HMG20A: variants seen among roughly 807,000 people sequenced by gnomAD.
HMG20A encodes high mobility group 20A.
Under a neutral mutation model 43.9 loss-of-function variants are expected in HMG20A, and 17 were observed. That is an observed-to-expected ratio of 0.39 (90% CI 0.27 to 0.58). The LOEUF (loss-of-function observed/expected upper bound fraction) is 0.58, where lower values mean the gene tolerates loss of function less well. Ranked by LOEUF, HMG20A falls within the 20% of genes least tolerant of loss-of-function variation. The probability of loss-of-function intolerance (pLI) is 0.59; values close to 1 mark genes in which losing one functional copy is unlikely to be tolerated. For missense variants in HMG20A, 341 were observed against 438.2 expected, an observed-to-expected ratio of 0.78 and a Z score of 1.98; for synonymous variants, 132 against 147.5, an observed-to-expected ratio of 0.89 and a Z score of 0.76.
the HMG20A span, among the ~76,000 whole-genome samples, chr15:77,504,920 G>A: frequency 6.6e-6 from 1 of 152,328 alleles, no homozygotes; most frequent in South Asian, 2.1e-4. Context: ...TAGGGGCCAT[G>A]ACATGTCTGC....
chr15:77,482,850 G>A (rs1294013196), intron 9 of HMG20A, 120 bp from the exon 10 acceptor site: 1 of 152,102 alleles, frequency 6.6e-6, no homozygotes, highest in Non-Finnish European at 1.5e-5. Context: ...TAACGCTTAT[G>A]AAACCAAAGC....
At chr15:77,452,686 G>T (rs938149518) in intron 1 of HMG20A, among the ~76,000 whole-genome samples, 2 of 151,938 alleles carry the variant, frequency 1.3e-5, no homozygotes, top group Admixed American at 1.3e-4. Flanking sequence ...TCACAACTTT[G>T]ATTAGGCGGT....
intron 1 of HMG20A, among the ~76,000 whole-genome samples, chr15:77,435,089 T>A (rs552146845): frequency 3.9e-5 from 6 of 152,248 alleles, no homozygotes; most frequent in South Asian, 4.2e-4. Context: ...ACATAGTATA[T>A]GAATAAAGTT....
rs79374919 is a variant in HMG20A at position 77,463,960 on chromosome 15, A to G, written c.90-280A>G. On this transcript the variant is annotated intron_variant, in intron 2 of 9. Coordinates refer to ENST00000336216, the MANE Select transcript of HMG20A (RefSeq NM_001304504.2). ...TCTACTGCATATTCAGAGCTAAAAC[A>G]TGAAGTCTGTGTTGAGAGGAGATCA... 4.3e-4 allele frequency among the ~76,000 whole-genome samples: 66 copies of G among 152,364 alleles called. 2 individuals carry two copies. In the East Asian group the frequency reaches 0.013, roughly 29 times the overall value.
At chr15:77,424,312 A>G (rs1567386940) in intron 1 of HMG20A, among the ~76,000 whole-genome samples, 1 of 152,176 alleles carries the variant, frequency 6.6e-6, no homozygotes, top group Non-Finnish European at 1.5e-5. Context: ...CTTCTTTTGT[A>G]TTGTGAAAAC....
chr15:77,489,993 A>G (rs12910361), downstream of HMG20A, among the ~76,000 whole-genome samples: 95,367 of 152,032 alleles, frequency 0.63, 30,548 homozygotes, highest in Non-Finnish European at 0.71. Flanking sequence ...GGGTCACTCT[A>G]GGCCGGGCGT....
intron 4 of HMG20A, 105 bp downstream of exon 4, chr15:77,467,412 C>A: frequency 1.1e-6 from 1 of 945,094 alleles, no homozygotes; most frequent in Non-Finnish European, 1.6e-6. Context: ...GCAGTTTTGT[C>A]ACAGTGCCTA....
chr15:77,450,158 C>A (rs1418208070), intron 1 of HMG20A, among the ~76,000 whole-genome samples: 1 of 152,002 alleles, frequency 6.6e-6, no homozygotes, highest in Non-Finnish European at 1.5e-5. Flanking sequence ...GAGACAGAGT[C>A]TTGCTTTGTC....
At chr15:77,481,764 A>G (rs952787013) in intron 9 of HMG20A, among the ~76,000 whole-genome samples, 13 of 152,198 alleles carry the variant, frequency 8.5e-5, no homozygotes, top group Admixed American at 3.9e-4. Flanking sequence ...AACATAACTA[A>G]CAATAGATGG....
chr15:77,498,583 G>T, the HMG20A span, among the ~76,000 whole-genome samples: 5 of 152,278 alleles, frequency 3.3e-5, no homozygotes, highest in Non-Finnish European at 7.4e-5. Context: ...CATGCCGTGG[G>T]AGATGGGAAC....
At chr15:77,451,202 T>C (rs2073732910) in intron 1 of HMG20A, among the ~76,000 whole-genome samples, 1 of 152,258 alleles carries the variant, frequency 6.6e-6, no homozygotes. Context: ...TTGGCAATTA[T>C]GAATAAAGCT....
chr15:77,502,811 T>TA, the HMG20A span, among the ~76,000 whole-genome samples: 126 of 150,930 alleles, frequency 8.3e-4, no homozygotes, highest in Middle Eastern at 3.4e-3. Flanking sequence ...CTACAAAAAA[T>TA]AAAAAAAAAT....
At chr15:77,495,715 C>CA in the HMG20A span, among the ~76,000 whole-genome samples, 1 of 152,150 alleles carries the variant, frequency 6.6e-6, no homozygotes, top group African/African-American at 2.4e-5. Context: ...ATGGCTGCCT[C>CA]AAATGAGGAC....
chr15:77,470,907 T>C lies in HMG20A; in HGVS notation c.451-3T>C. 1 of 1,562,182 alleles carries C rather than the reference T, an allele frequency of 6.4e-7. No individual in the cohort carries two copies. Among genetic ancestry groups the C allele is most frequent in the African/African-American group, 1.4e-5 (1 of 71,490 alleles). ...TGAAAATAATTCTGTATTTCTTTCC[T>C]AGCGCTACCTTGATGAAGCAGACAG... On this transcript the variant is annotated splice_region_variant and splice_polypyrimidine_tract_variant and intron_variant, in intron 4 of 9. Coordinates refer to ENST00000336216, the MANE Select transcript of HMG20A (RefSeq NM_001304504.2).
chr15:77,459,693 C>T (rs984266855), intron 2 of HMG20A, among the ~76,000 whole-genome samples: 1 of 152,094 alleles, frequency 6.6e-6, no homozygotes, highest in African/African-American at 2.4e-5. Context: ...TCCATCTTAT[C>T]GAAATAGCCA....
the HMG20A span, among the ~76,000 whole-genome samples, chr15:77,497,692 TG>T: frequency 6.9e-6 from 1 of 144,622 alleles, no homozygotes; most frequent in Admixed American, 6.7e-5. Flanking sequence ...AGTGTGTGTG[TG>T]TGTGTGTGTG....
intron 1 of HMG20A, among the ~76,000 whole-genome samples, chr15:77,437,582 G>GTT (rs891439258): frequency 6.6e-6 from 1 of 151,528 alleles, no homozygotes; most frequent in Non-Finnish European, 1.5e-5. Flanking sequence ...CTTTTTTTTT[G>GTT]TTTTTTGAGA....
chr15:77,442,470 T>C (rs2073623145), intron 1 of HMG20A, among the ~76,000 whole-genome samples: 1 of 152,242 alleles, frequency 6.6e-6, no homozygotes. Context: ...CCTCGTGCAA[T>C]TTAAAACATT....
chr15:77,447,985 A>G (rs189561369), intron 1 of HMG20A, among the ~76,000 whole-genome samples: 126 of 152,358 alleles, frequency 8.3e-4, no homozygotes, highest in Middle Eastern at 3.4e-3. Flanking sequence ...ACAAGACTAC[A>G]GTTAAAGTAT....
Sources: gnomAD v4.1 joint callset for allele counts (sites outside exome capture counted in the v4.1 genomes callset) on GRCh38, gnomAD v4.1.1 for gene constraint, MANE v1.5 for transcripts, NCBI Gene and HGNC (gene_info 2026-07-23, HGNC 2026-07-21) for gene names.